Variants in PRUNE2 observed in about 807,000 individuals in gnomAD.
The protein encoded by PRUNE2 is prune homolog 2 with BCH domain.
Under a neutral mutation model 252.0 loss-of-function variants are expected in PRUNE2, and 164 were observed. That is an observed-to-expected ratio of 0.65 (90% CI 0.57 to 0.74). The LOEUF (loss-of-function observed/expected upper bound fraction) is 0.74. Among genes scored for constraint, PRUNE2 ranks in the 30% least tolerant of loss-of-function variants. PRUNE2 has a pLI of 0.00. For missense variants in PRUNE2, 3,495 were observed against 3,711.0 expected (o/e 0.94, Z 1.51); for synonymous variants, 1,292 against 1,350.2 (o/e 0.96, Z 0.94).
intron 6 of PRUNE2, chr9:76,785,219 C>T (rs993567207): frequency 1.3e-5 from 2 of 152,132 alleles, no homozygotes; most frequent in Admixed American, 6.6e-5. Flanking sequence ...GAAGCTCTTC[C>T]TTGTCTCTTA....
At chr9:76,840,488 T>C (rs904752749) in intron 4 of PRUNE2, among the ~76,000 whole-genome samples, 1 of 152,078 alleles carries the variant, frequency 6.6e-6, no homozygotes, top group Non-Finnish European at 1.5e-5. Context: ...TCATAGAAAA[T>C]GTAGAGTTTT....
In PRUNE2 at chr9:76,706,514, G is replaced by A; in HGVS notation, c.5760C>T (p.Asp1920=). ...IQPRQPDPDA[D]KFSQLVKLDQ... is the part of the protein sequence containing the mutation. ...CTAATTTTACAAGCTGGCTGAACTT[G>A]TCAGCATCTGGGTCTGGCTGCCTTG... Residue 1920 remains aspartate (D), a synonymous_variant, in exon 8 of 19, where the codon GAC becomes GAT. Transcript: ENST00000376718. 1 of 1,613,962 alleles carries A rather than the reference G, an allele frequency of 6.2e-7. No homozygotes were observed. Among genetic ancestry groups the A allele is most frequent in the South Asian group, 1.1e-5 (1 of 91,076 alleles).
chr9:76,828,869 G>T (rs11145088), intron 4 of PRUNE2, among the ~76,000 whole-genome samples: 89,375 of 151,564 alleles, frequency 0.59, 27,398 homozygotes, highest in African/African-American at 0.77. Flanking sequence ...TACAAAAAAT[G>T]AGCCAGGAGC....
intron 6 of PRUNE2, among the ~76,000 whole-genome samples, chr9:76,768,674 C>A (rs1176604426): frequency 1.3e-5 from 2 of 151,288 alleles, no homozygotes; most frequent in African/African-American, 4.9e-5. Flanking sequence ...TTGAAGTCAT[C>A]TCATAAAAAA....
Position 76,705,097 on chromosome 9 carries a change from T to C in PRUNE2, c.7177A>G (p.Thr2393Ala), listed in dbSNP as rs1349842103. ...DSLKQSLAPYTPPFDLSYLTE... is the reference protein window; with the variant it reads ...DSLKQSLAPYAPPFDLSYLTE... The stretch of plus-strand genomic sequence containing the variant: ...AGATAAGACAAATCAAAGGGAGGTG[T>C]GTACGGTGCCAGCGACTGCTTCAGA... Residue 2393 changes from threonine (T) to alanine (A), a missense_variant, in exon 8 of 19, where the codon ACA (threonine) becomes GCA (alanine). Transcript: ENST00000376718. The C allele has an allele frequency of 1.2e-6, 2 of 1,613,902 alleles. No homozygotes were observed. Among genetic ancestry groups the C allele is most frequent in the African/African-American group, 1.3e-5 (1 of 74,932 alleles).
chr9:76,853,277 A>G (rs1306189168), intron 2 of PRUNE2, among the ~76,000 whole-genome samples: 1 of 152,206 alleles, frequency 6.6e-6, no homozygotes, highest in Non-Finnish European at 1.5e-5. Flanking sequence ...AAATCACTTT[A>G]GACCAGCTCT....
At chr9:76,704,158 G>T (rs2046122834) in intron 8 of PRUNE2, 59 bp from the exon 9 acceptor site, 1 of 1,183,704 alleles carries the variant, frequency 8.4e-7, no homozygotes, top group Non-Finnish European at 1.2e-6. Context: ...CACATTGTGT[G>T]ATTTGTGATC....
intron 6 of PRUNE2, among the ~76,000 whole-genome samples, chr9:76,728,129 A>C (rs2048281667): frequency 6.6e-6 from 1 of 152,172 alleles, no homozygotes; most frequent in African/African-American, 2.4e-5. Flanking sequence ...GGGTATAGCT[A>C]TGTTATGCCA....
intron 6 of PRUNE2, among the ~76,000 whole-genome samples, chr9:76,805,641 A>G (rs1435958239): frequency 6.6e-6 from 1 of 152,194 alleles, no homozygotes; most frequent in Non-Finnish European, 1.5e-5. Flanking sequence ...GTGCTATTGT[A>G]CAGCAGTAGC....
chr9:76,901,007 C>G lies in PRUNE2; in HGVS notation c.36+4921G>C, dbSNP rs558107030. Among the ~76,000 whole-genome samples the G allele has an allele frequency of 1.8e-4, 28 of 152,328 alleles. No homozygotes were observed. In the South Asian group the frequency reaches 5.6e-3, roughly 30 times the overall value. On this transcript the variant is annotated intron_variant, in intron 1 of 18. Transcript: ENST00000376718. ...GACAAAATAGTCCCCATATCACTGC[C>G]TAAAGGGTGACCTTGCTCACCTGAT...
intron 1 of PRUNE2, among the ~76,000 whole-genome samples, chr9:76,854,606 C>T (rs1399536277): frequency 6.6e-6 from 1 of 152,020 alleles, no homozygotes; most frequent in East Asian, 1.9e-4. Flanking sequence ...ATGTGTCTGG[C>T]ATGCAACATA....
chr9:76,866,869 AAGGGAGGGAGG>A (rs1269037743), intron 1 of PRUNE2, among the ~76,000 whole-genome samples: 30 of 152,048 alleles, frequency 2.0e-4, no homozygotes, highest in African/African-American at 6.8e-4. Flanking sequence ...GGATGGTCAG[AAGGGAGGGAGG>A]AGGGAGGGAA....
chr9:76,674,064 G>A (rs1179731993), intron 9 of PRUNE2, among the ~76,000 whole-genome samples: 1 of 151,398 alleles, frequency 6.6e-6, no homozygotes, highest in African/African-American at 2.4e-5. Context: ...GGGCAATGAG[G>A]CAGGAGAAGG....
intron 6 of PRUNE2, chr9:76,808,642 C>G (rs895824291): frequency 6.6e-6 from 1 of 152,336 alleles, no homozygotes; most frequent in African/African-American, 2.4e-5. Flanking sequence ...TCCTGCCGTG[C>G]TGGCTTACTC....
intron 9 of PRUNE2, chr9:76,692,076 T>C (rs2044812002): frequency 1.4e-6 from 1 of 717,452 alleles, no homozygotes; most frequent in Non-Finnish European, 2.6e-6. Context: ...CCACCTACCT[T>C]CTGAGGATGA....
chr9:76,749,327 T>A (rs544304403), intron 6 of PRUNE2, among the ~76,000 whole-genome samples: 1 of 152,322 alleles, frequency 6.6e-6, no homozygotes, highest in East Asian at 1.9e-4. Context: ...AGTCCCAAAG[T>A]GCAGACGTTA....
At chr9:76,769,382 T>C (rs562475680) in intron 6 of PRUNE2, among the ~76,000 whole-genome samples, 2 of 152,354 alleles carry the variant, frequency 1.3e-5, no homozygotes, top group Admixed American at 6.5e-5. Flanking sequence ...ATTGATTCAA[T>C]CCTTCCTCTA....
At chr9:76,770,874 T>C (rs78791104) in intron 6 of PRUNE2, among the ~76,000 whole-genome samples, 3,008 of 152,066 alleles carry the variant, frequency 0.02, 50 homozygotes, top group Middle Eastern at 0.027. Context: ...ATCTCAACTA[T>C]CAATGCGAAA....
intron 4 of PRUNE2, among the ~76,000 whole-genome samples, chr9:76,831,031 A>G (rs3932710): frequency 0.73 from 110,582 of 151,240 alleles, 41,190 homozygotes; most frequent in African/African-American, 0.89. Context: ...CCGGGTTCAC[A>G]CCATTCTCCT....
Sources: allele counts gnomAD v4.1 joint callset (sites outside exome capture counted in the v4.1 genomes callset), GRCh38; gene constraint gnomAD v4.1.1; transcripts MANE v1.5; gene names NCBI Gene and HGNC (gene_info 2026-07-23, HGNC 2026-07-21).